Variants in DYNC1H1 observed in about 807,000 individuals in gnomAD.
The protein encoded by DYNC1H1 is dynein cytoplasmic 1 heavy chain 1.
A neutral mutation model predicts 527.1 loss-of-function variants in DYNC1H1; 51 were observed. That is an observed-to-expected ratio of 0.10 (90% CI 0.08 to 0.12). The LOEUF (loss-of-function observed/expected upper bound fraction) is 0.12, where lower values mean the gene tolerates loss of function less well. Ranked by LOEUF, DYNC1H1 falls within the 10% of genes least tolerant of loss-of-function variation. The pLI, the probability that DYNC1H1 is intolerant of heterozygous loss-of-function variation, is 1.00. For missense variants in DYNC1H1, 2,771 were observed against 5,971.8 expected, an observed-to-expected ratio of 0.46 and a Z score of 17.66; for synonymous variants, 2,189 against 2,278.8, an observed-to-expected ratio of 0.96 and a Z score of 1.12.
rs71116874 is a variant in DYNC1H1, at chr14:102,047,641, G to GTATATATATATATATA, written c.13007-168_13007-153dup. ...TACACGTGTGTGTGTGTGTGTGTGTGTATATATATATATATATATATATGT... is the reference window on the plus strand; with the variant it reads ...TACACGTGTGTGTGTGTGTGTGTGTGTATATATATATATATATATATATATATATATATATATATGT... On this transcript the variant is annotated intron_variant, in intron 72 of 77. Transcript: ENST00000360184. 174 of 316,650 alleles carry GTATATATATATATATA rather than the reference G, an allele frequency of 5.5e-4. 3 individuals are homozygous for GTATATATATATATATA. The highest frequency in any genetic ancestry group is 4.3e-3 in the African/African-American group (111 of 25,518). The allele number at this position is 316,650 out of a possible 1,614,324, so 19.6% of individuals were successfully genotyped here. A position where few individuals can be genotyped will look rare whatever the true frequency, so the allele number is the denominator to read the frequency against.
At chr14:101,994,073 C>T (rs752214175) in intron 11 of DYNC1H1, 111 bp from the exon 12 acceptor site, 868 of 1,527,144 alleles carry the variant, frequency 5.7e-4, no homozygotes, top group Non-Finnish European at 7.4e-4. Context: ...CCTTAAATGC[C>T]ATTTTGGTCA....
In DYNC1H1 at chr14:101,979,018, G is replaced by A. The variant is rs535824731; in HGVS notation, c.345-301G>A. The stretch of plus-strand genomic sequence containing the variant: ...TGTTTACTTAGTACAGTAAATAAAT[G>A]TTACACATTAGTGTAAGATCAGATT... On this transcript the variant is annotated intron_variant, in intron 2 of 77. Transcript: ENST00000360184. This position sits in a 1 kb window ranked among gnomAD's most constrained non-coding sequence, Gnocchi z 4.6. Among the ~76,000 whole-genome samples, 4 of 152,334 alleles carry A rather than the reference G, an allele frequency of 2.6e-5. No homozygotes were observed. The South Asian group carries it at 8.3e-4, about 32-fold the overall frequency.
Position 102,020,923 on chromosome 14 carries a change from C to T in DYNC1H1, c.8507+867C>T, listed in dbSNP as rs908692536. ...TGGCATTCTTGGGCAACACCGGGTACATTACTGACAGCCACTGTAAGAGAT... is the reference window on the plus strand; with the variant it reads ...TGGCATTCTTGGGCAACACCGGGTATATTACTGACAGCCACTGTAAGAGAT... On this transcript the variant is annotated intron_variant, in intron 42 of 77. Transcript: ENST00000360184. This position sits in a 1 kb window ranked among gnomAD's most constrained non-coding sequence, Gnocchi z 4.3. Among the ~76,000 whole-genome samples, 6 of 152,186 alleles carry T rather than the reference C, an allele frequency of 3.9e-5. No individual in the cohort carries two copies. The highest frequency in any genetic ancestry group is 7.3e-5 in the Non-Finnish European group (5 of 68,040).
Position 102,017,980 on chromosome 14 carries a change from C to G in DYNC1H1, c.8178-471C>G. On this transcript the variant is annotated intron_variant, in intron 40 of 77. Transcript: ENST00000360184. This position sits in a 1 kb window ranked among gnomAD's most constrained non-coding sequence, Gnocchi z 4.6. Reference sequence around the variant, plus strand: ...AATTAGCCAGGCATGGTGGCAGGTGCCTGTAGTCCCAGCTACTTGGGAGGC... The same window carrying G: ...AATTAGCCAGGCATGGTGGCAGGTGGCTGTAGTCCCAGCTACTTGGGAGGC... 3.7e-6 allele frequency: 1 copy of G among 272,926 alleles called. No individual in the cohort carries two copies. The highest frequency in any genetic ancestry group is 7.1e-6 in the Non-Finnish European group (1 of 141,382). The allele number at this position is 272,926 out of a possible 1,614,324, so 16.9% of individuals were successfully genotyped here. A position where few individuals can be genotyped will look rare whatever the true frequency, so the allele number is the denominator to read the frequency against.
intron 2 of DYNC1H1, 59 bp downstream of exon 2, chr14:101,975,858 A>C: frequency 7.5e-7 from 1 of 1,331,388 alleles, no homozygotes; most frequent in Middle Eastern, 2.0e-4. Context: ...ATTAATATGA[A>C]TCTTTTTTCT....
At chr14:101,991,717 C>G (rs375252737) in intron 11 of DYNC1H1, 44 bp downstream of exon 11, 137 of 1,612,856 alleles carry the variant, frequency 8.5e-5, no homozygotes, top group Non-Finnish European at 1.1e-4. Flanking sequence ...GACCAGGACT[C>G]TCATGGGCTC....
intron 2 of DYNC1H1, among the ~76,000 whole-genome samples, chr14:101,976,995 A>G (rs1041550106): frequency 5.3e-5 from 8 of 152,238 alleles, no homozygotes; most frequent in Admixed American, 5.2e-4. Context: ...GCCATTTTAT[A>G]TAAGCAAGTT....
At chr14:102,032,768 G>T (rs2048524288) in intron 52 of DYNC1H1, 2 of 563,318 alleles carry the variant, frequency 3.6e-6, no homozygotes, top group Non-Finnish European at 6.3e-6. Context: ...TGGGAGGATT[G>T]CCTGAACCCA....
At chr14:101,972,544 C>G (rs555829019) in intron 1 of DYNC1H1, among the ~76,000 whole-genome samples, 12 of 152,308 alleles carry the variant, frequency 7.9e-5, no homozygotes, top group African/African-American at 2.4e-4. Context: ...TTGCAGTATT[C>G]CCAGGGCAGA....
In DYNC1H1 at chr14:102,011,038, G is replaced by A; in HGVS notation, c.6618+86G>A. The A allele has an allele frequency of 1.4e-6, 2 of 1,411,432 alleles. No individual in the cohort carries two copies. The highest frequency in any genetic ancestry group is 2.0e-6 in the Non-Finnish European group (2 of 998,010). 87.4% of individuals were successfully genotyped at this position (1,411,432 alleles called of 1,614,324 possible). A position where few individuals can be genotyped will look rare whatever the true frequency, so the allele number is the denominator to read the frequency against. ...TAATGACAACCGTGGGCCCTTCGAT[G>A]AAACTGTCCACAAAGGCTGTGGAGG... On this transcript the variant is annotated intron_variant, in intron 32 of 77. Coordinates refer to ENST00000360184, the MANE Select transcript of DYNC1H1 (RefSeq NM_001376.5). This position sits in a 1 kb window ranked among gnomAD's most constrained non-coding sequence, Gnocchi z 5.3.
rs567653098 is a variant in DYNC1H1, at chr14:102,009,928, C to A, written c.6063C>A (p.Gly2021=). The A allele has an allele frequency of 2.4e-5, 39 of 1,614,120 alleles. No individual in the cohort carries two copies. In the African/African-American group the frequency reaches 4.8e-4, roughly 20 times the overall value. ...DMAIFITMNP[G]YAGRSNLPDN... ...CCATCTTCATCACCATGAACCCTGG[C>A]TACGCGGGCCGGTCTAACCTTCCTG... is the stretch of plus-strand genomic sequence containing the variant. Residue 2021 remains glycine, a synonymous_variant, in exon 30 of 78, where the codon GGC becomes GGA. Transcript: ENST00000360184.
intron 8 of DYNC1H1, 58 bp from the exon 9 acceptor site, chr14:101,987,395 A>C: frequency 6.6e-7 from 1 of 1,523,476 alleles, no homozygotes; most frequent in Non-Finnish European, 9.0e-7. Context: ...ATGTTATGTG[A>C]GAATAAAGGA....
Position 102,012,899 on chromosome 14 carries a change from T to G in DYNC1H1, c.7014+429T>G, listed in dbSNP as rs2048274007. 3.3e-6 allele frequency: 1 copy of G among 301,470 alleles called. No individual in the cohort carries two copies. The highest frequency in any genetic ancestry group is 6.4e-6 in the Non-Finnish European group (1 of 156,152). The allele number at this position is 301,470 out of a possible 1,614,324, so 18.7% of individuals were successfully genotyped here. A position where few individuals can be genotyped will look rare whatever the true frequency, so the allele number is the denominator to read the frequency against. Reference sequence around the variant, plus strand: ...GATCAGTAAACACAGTCAGGCCCGGTATGGATTTGCACTGAGTCAGACCCT... The same window carrying G: ...GATCAGTAAACACAGTCAGGCCCGGGATGGATTTGCACTGAGTCAGACCCT... On this transcript the variant is annotated intron_variant, in intron 34 of 77. Transcript: ENST00000360184. The surrounding 1 kb of genome is among the most constrained non-coding windows in gnomAD (Gnocchi z 4.9).
chr14:102,029,423 C>G lies in DYNC1H1; in HGVS notation c.9469-116C>G. 7 of 1,418,396 alleles carry G rather than the reference C, an allele frequency of 4.9e-6. No homozygotes were observed. The highest frequency in any genetic ancestry group is 6.8e-6 in the Non-Finnish European group (7 of 1,025,546). The allele number at this position is 1,418,396 out of a possible 1,614,324, so 87.9% of individuals were successfully genotyped here. A position where few individuals can be genotyped will look rare whatever the true frequency, so the allele number is the denominator to read the frequency against. Reference sequence around the variant, plus strand: ...GAGGCCCGACTCGAGTGTTCTGGCCCCGAGGGCCAGGCTCCTTCTATCATG... The same window carrying G: ...GAGGCCCGACTCGAGTGTTCTGGCCGCGAGGGCCAGGCTCCTTCTATCATG... On this transcript the variant is annotated intron_variant, in intron 48 of 77. Transcript: ENST00000360184. This position sits in a 1 kb window ranked among gnomAD's most constrained non-coding sequence, Gnocchi z 5.3.
chr14:102,055,317 C>T lies in DYNC1H1; in HGVS notation c.*4754C>T. 1 of 152,416 alleles carries T rather than the reference C, an allele frequency of 6.6e-6. No individual in the cohort carries two copies. The highest frequency in any genetic ancestry group is 1.5e-5 in the Non-Finnish European group (1 of 68,144). 9.4% of individuals were successfully genotyped at this position (152,416 alleles called of 1,614,324 possible). A position where few individuals can be genotyped will look rare whatever the true frequency, so the allele number is the denominator to read the frequency against. On this transcript the variant is annotated 3_prime_UTR_variant, in exon 78 of 78. Transcript: ENST00000360184. ...ACAGAGCCGACCAGGCTGGGAACAC[C>T]GAGACCGAGAGCGCGTGGCTGTGTC... is the stretch of plus-strand genomic sequence containing the variant.
chr14:102,032,635 T>C (rs2048522326), intron 52 of DYNC1H1, 168 bp downstream of exon 52: 1 of 895,438 alleles, frequency 1.1e-6, no homozygotes, highest in Non-Finnish European at 1.7e-6. Flanking sequence ...GTGAAGTGCT[T>C]GAGCCTAGGA....
Position 102,005,357 on chromosome 14 carries a change from G to T in DYNC1H1, c.5433+121G>T, listed in dbSNP as rs1183807676. On this transcript the variant is annotated intron_variant, in intron 26 of 77. Coordinates refer to ENST00000360184, the MANE Select transcript of DYNC1H1 (RefSeq NM_001376.5). This position sits in a 1 kb window ranked among gnomAD's most constrained non-coding sequence, Gnocchi z 4.0. Reference sequence around the variant, plus strand: ...AGTATCAAGGAGAACAGTGGATGGTGTATGGATATCCTCTGAGGGTGGGCA... The same window carrying T: ...AGTATCAAGGAGAACAGTGGATGGTTTATGGATATCCTCTGAGGGTGGGCA... 3.0e-6 allele frequency: 4 copies of T among 1,327,340 alleles called. No individual in the cohort carries two copies. Among genetic ancestry groups the T allele is most frequent in the Non-Finnish European group, 4.3e-6 (4 of 932,546 alleles). The allele number at this position is 1,327,340 out of a possible 1,614,324, so 82.2% of individuals were successfully genotyped here. A position where few individuals can be genotyped will look rare whatever the true frequency, so the allele number is the denominator to read the frequency against.
intron 5 of DYNC1H1, among the ~76,000 whole-genome samples, chr14:101,981,264 C>T (rs755885792): frequency 6.6e-6 from 1 of 152,150 alleles, no homozygotes; most frequent in Non-Finnish European, 1.5e-5. Flanking sequence ...GCTGGGACTA[C>T]AGGGATGTAC....
intron 9 of DYNC1H1, among the ~76,000 whole-genome samples, chr14:101,988,440 G>C (rs918255713): frequency 1.3e-5 from 2 of 152,338 alleles, no homozygotes; most frequent in Middle Eastern, 6.8e-3. Flanking sequence ...AGTGGAGAGT[G>C]TTGGGGAGGA....
Sources: gnomAD v4.1 joint callset for allele counts (sites outside exome capture counted in the v4.1 genomes callset) on GRCh38, gnomAD v4.1.1 for gene constraint, Gnocchi (gnomAD v3.1) non-coding constraint, MANE v1.5 for transcripts, NCBI Gene and HGNC (gene_info 2026-07-23, HGNC 2026-07-21) for gene names.